LRRC63: variants seen among roughly 807,000 people sequenced by gnomAD.
LRRC63 encodes the protein leucine rich repeat containing 63, also known as leucine-rich repeat-containing protein 63.
In LRRC63, 40 loss-of-function variants were observed where a neutral mutation model predicts 49.5. The observed-to-expected ratio is 0.81, with a 90% CI of 0.63 to 1.05. LRRC63 has a LOEUF of 1.05. LRRC63 is among the 50% of genes least tolerant of loss of function. The probability of loss-of-function intolerance (pLI) is 0.00; values close to 1 mark genes in which losing one functional copy is unlikely to be tolerated. For missense variants in LRRC63, 636 were observed against 663.1 expected (o/e 0.96, Z 0.45); for synonymous variants, 191 against 221.1 (o/e 0.86, Z 1.21).
intron 9 of LRRC63, among the ~76,000 whole-genome samples, chr13:46,268,397 G>T (rs145514906): frequency 6.6e-6 from 1 of 152,234 alleles, no homozygotes; most frequent in East Asian, 1.9e-4. Flanking sequence ...TATTCAATGA[G>T]ATAATGGCTA....
At chr13:46,226,579 C>G (rs1030650034) in intron 2 of LRRC63, among the ~76,000 whole-genome samples, 2 of 152,086 alleles carry the variant, frequency 1.3e-5, no homozygotes, top group African/African-American at 4.8e-5. Context: ...ATATATTCCT[C>G]TTCTCTATAA....
intron 2 of LRRC63, among the ~76,000 whole-genome samples, chr13:46,219,646 G>T (rs1464316442): frequency 1.3e-5 from 2 of 152,094 alleles, no homozygotes; most frequent in Non-Finnish European, 2.9e-5. Context: ...TTCCTTGCTG[G>T]CATGGAGTTG....
intron 2 of LRRC63, among the ~76,000 whole-genome samples, chr13:46,219,674 A>G (rs1344718597): frequency 2.0e-5 from 3 of 152,174 alleles, no homozygotes; most frequent in Non-Finnish European, 2.9e-5. Flanking sequence ...TTGGAGGAGA[A>G]GAGGCATTCT....
intron 5 of LRRC63, among the ~76,000 whole-genome samples, chr13:46,244,119 T>G (rs1294913765): frequency 6.6e-6 from 1 of 152,226 alleles, no homozygotes; most frequent in East Asian, 1.9e-4. Context: ...TTGAAATCTC[T>G]TTAAAAGAAT....
intron 7 of LRRC63, among the ~76,000 whole-genome samples, chr13:46,260,283 G>T (rs2047593215): frequency 6.6e-6 from 1 of 152,210 alleles, no homozygotes; most frequent in African/African-American, 2.4e-5. Context: ...TGAATTGAAA[G>T]ATAGAGCAAA....
intron 4 of LRRC63, among the ~76,000 whole-genome samples, chr13:46,231,648 T>G (rs893307895): frequency 6.6e-6 from 1 of 152,044 alleles, no homozygotes; most frequent in Non-Finnish European, 1.5e-5. Flanking sequence ...TAACTGGGAC[T>G]GCAGGCATGC....
chr13:46,250,491 G>C, exon 7 of LRRC63: 8 of 1,521,792 alleles, frequency 5.3e-6, no homozygotes, highest in Non-Finnish European at 7.1e-6. Flanking sequence ...CTTCCAATTG[G>C]GTAAGGTTGA....
At chr13:46,244,826 C>CAAGT (rs1401114209) in intron 5 of LRRC63, among the ~76,000 whole-genome samples, 1 of 152,028 alleles carries the variant, frequency 6.6e-6, no homozygotes, top group Non-Finnish European at 1.5e-5. Flanking sequence ...AAACAGAAAA[C>CAAGT]AAGTACCAAA....
At chr13:46,261,128 GTGTT>G (rs1370522414) in intron 7 of LRRC63, among the ~76,000 whole-genome samples, 4 of 152,154 alleles carry the variant, frequency 2.6e-5, no homozygotes, top group Admixed American at 1.3e-4. Context: ...TTTTTGCAGA[GTGTT>G]TGTATTCTTT....
intron 8 of LRRC63, among the ~76,000 whole-genome samples, 188 bp from the exon 9 acceptor site, chr13:46,266,545 C>A (rs984956088): frequency 6.6e-6 from 1 of 152,132 alleles, no homozygotes; most frequent in Non-Finnish European, 1.5e-5. Context: ...CACTTATTTG[C>A]ATAATACTAT....
At chr13:46,241,293 C>A (rs940749588) in intron 5 of LRRC63, among the ~76,000 whole-genome samples, 3 of 152,178 alleles carry the variant, frequency 2.0e-5, no homozygotes, top group Non-Finnish European at 4.4e-5. Context: ...AAACTGGACC[C>A]CTTCCATACA....
At chr13:46,226,677 C>T (rs760252169) in intron 2 of LRRC63, among the ~76,000 whole-genome samples, 4 of 152,206 alleles carry the variant, frequency 2.6e-5, no homozygotes, top group Admixed American at 1.3e-4. Context: ...ATGCATAGAA[C>T]TCCAATAGCT....
In LRRC63 at chr13:46,276,728, G is replaced by A. The variant is rs1427737621; in HGVS notation, c.1689G>A (p.Lys563=). The change falls in exon 10 of 10, where the codon AAG becomes AAA. Residue 563 remains lysine, a synonymous_variant. Coordinates refer to ENST00000595396, the Ensembl canonical transcript of LRRC63. Reference sequence around the variant, plus strand: ...CTCCTTCTTGCTATAGAAGAATAAAGGAAAGCAGTTTTGTTTTAGATGGTA... The same window carrying A: ...CTCCTTCTTGCTATAGAAGAATAAAAGAAAGCAGTTTTGTTTTAGATGGTA... 5 of 1,228,718 alleles carry A rather than the reference G, an allele frequency of 4.1e-6. No homozygotes were observed. The South Asian group carries it at 1.7e-4, about 41-fold the overall frequency. The allele number at this position is 1,228,718 out of a possible 1,614,324, so 76.1% of individuals were successfully genotyped here. A position where few individuals can be genotyped will look rare whatever the true frequency, so the allele number is the denominator to read the frequency against.
At chr13:46,252,515 A>G (rs2047409430) in intron 7 of LRRC63, among the ~76,000 whole-genome samples, 1 of 152,088 alleles carries the variant, frequency 6.6e-6, no homozygotes, top group Admixed American at 6.6e-5. Flanking sequence ...GTGTGCTCCT[A>G]GGAGCTCACC....
At chr13:46,245,941 G>A (rs547050945) in intron 5 of LRRC63, among the ~76,000 whole-genome samples, 1 of 152,264 alleles carries the variant, frequency 6.6e-6, no homozygotes, top group East Asian at 1.9e-4. Flanking sequence ...GTTTGGATCT[G>A]TGTCCTCACC....
chr13:46,241,656 G>A lies in LRRC63; in HGVS notation c.991-4871G>A, dbSNP rs191833367. Among the ~76,000 whole-genome samples the A allele has an allele frequency of 2.9e-3, 439 of 152,106 alleles. 2 individuals carry two copies. Among genetic ancestry groups the A allele is most frequent in the Middle Eastern group, 0.01 (3 of 294 alleles). ...AAACAAACAACCCCATTAAAAAGTG[G>A]GCAAAGGCCATGAAAAGACACTCCA... On this transcript the variant is annotated intron_variant, in intron 5 of 9. Coordinates refer to ENST00000595396, the Ensembl canonical transcript of LRRC63.
chr13:46,250,596 A>C (rs1594076246), intron 7 of LRRC63, 105 bp downstream of exon 7: 8 of 951,158 alleles, frequency 8.4e-6, no homozygotes, highest in African/African-American at 5.0e-5. Context: ...GCTATTTAGT[A>C]ATTTGTATTC....
At chr13:46,272,130 T>A (rs1054990732) in intron 9 of LRRC63, among the ~76,000 whole-genome samples, 1 of 152,214 alleles carries the variant, frequency 6.6e-6, no homozygotes, top group Non-Finnish European at 1.5e-5. Context: ...ACAATGTGGA[T>A]ACATTGGACA....
intron 8 of LRRC63, among the ~76,000 whole-genome samples, chr13:46,263,616 C>A (rs1056235817): frequency 1.3e-5 from 2 of 152,250 alleles, no homozygotes; most frequent in Admixed American, 6.5e-5. Context: ...TCGTTGAGAC[C>A]TTTAGAACAG....
Sources: gnomAD v4.1 joint callset for allele counts (sites outside exome capture counted in the v4.1 genomes callset) on GRCh38, gnomAD v4.1.1 for gene constraint, MANE v1.5 for transcripts, NCBI Gene and HGNC (gene_info 2026-07-23, HGNC 2026-07-21) for gene names.